The following PRKCQ variants were observed in gnomAD, a reference collection of about 807,000 sequenced individuals.
PRKCQ encodes the protein protein kinase C theta, also known as protein kinase C theta type.
In PRKCQ, 41 loss-of-function variants were observed where a neutral mutation model predicts 91.2. The ratio of observed to expected loss-of-function variants is 0.45; its 90% CI spans 0.35 to 0.58. The LOEUF is 0.58. Among genes scored for constraint, PRKCQ ranks in the 20% least tolerant of loss-of-function variants. PRKCQ has a pLI of 0.00. For missense variants in PRKCQ, 673 were observed against 896.5 expected (o/e 0.75, Z 3.18); for synonymous variants, 307 against 316.9 (o/e 0.97, Z 0.33).
At chr10:6,426,670 C>T (rs532261171), downstream of PRKCQ, among the ~76,000 whole-genome samples, 1 of 152,294 alleles carries the variant, frequency 6.6e-6, no homozygotes, top group South Asian at 2.1e-4. Context: ...TTCCAGCACA[C>T]CTGCAGACTG....
intron 1 of PRKCQ, among the ~76,000 whole-genome samples, chr10:6,559,119 G>A (rs1438554111): frequency 6.6e-6 from 1 of 152,162 alleles, no homozygotes; most frequent in Non-Finnish European, 1.5e-5. Context: ...GGTTTAAAAA[G>A]AAAAGTTACG....
In PRKCQ at chr10:6,459,369, G is replaced by T. The variant is rs1165474832; in HGVS notation, c.1509-2557C>A. Among the ~76,000 whole-genome samples the T allele has an allele frequency of 3.3e-5, 5 of 151,526 alleles. No individual in the cohort carries two copies. In the South Asian group the frequency reaches 8.3e-4, roughly 25 times the overall value. On this transcript the variant is annotated intron_variant, in intron 14 of 17. Transcript: ENST00000263125. ...AAAGTGGCTCATCAGGTTTCTGGGG[G>T]TTGGGACTTCTCTATGTTTAGTACC... is the stretch of plus-strand genomic sequence containing the variant.
chr10:6,447,832 C>T (rs1406797830), intron 15 of PRKCQ, among the ~76,000 whole-genome samples: 4 of 152,192 alleles, frequency 2.6e-5, no homozygotes, highest in African/African-American at 9.7e-5. Flanking sequence ...GAGACAGCAG[C>T]GGAACACTCA....
chr10:6,479,530 A>T (rs1359567574), intron 11 of PRKCQ, among the ~76,000 whole-genome samples: 1 of 152,096 alleles, frequency 6.6e-6, no homozygotes, highest in Non-Finnish European at 1.5e-5. Context: ...GAGAAACTGT[A>T]CTCGAAACAT....
intron 1 of PRKCQ, among the ~76,000 whole-genome samples, chr10:6,527,522 C>A (rs964307186): frequency 6.6e-6 from 1 of 152,096 alleles, no homozygotes; most frequent in Admixed American, 6.5e-5. Flanking sequence ...CATCCCTGTA[C>A]CCCAGGAAGA....
At position 6,427,631 on chromosome 10, in the gene PRKCQ, G is replaced by A. The variant is rs1013316394; in HGVS notation, c.*576C>T. On this transcript the variant is annotated 3_prime_UTR_variant, in exon 18 of 18. Coordinates refer to ENST00000263125, the MANE Select transcript of PRKCQ (RefSeq NM_006257.5). ...ATGCCCAATCAGGATGAATGGATTT[G>A]TAGATCTCAAGTTACAAGCTATGTT... 2.6e-5 allele frequency: 4 copies of A among 152,826 alleles called. No individual in the cohort carries two copies. The highest frequency in any genetic ancestry group is 9.7e-5 in the African/African-American group (4 of 41,432). The allele number at this position is 152,826 out of a possible 1,614,324, so 9.5% of individuals were successfully genotyped here.
chr10:6,402,473 A>G, the PRKCQ span, among the ~76,000 whole-genome samples: 1 of 151,142 alleles, frequency 6.6e-6, no homozygotes, highest in Non-Finnish European at 1.5e-5. Flanking sequence ...CATGAAGGAC[A>G]CAGACAGAAA....
chr10:6,533,248 A>G (rs1040661828), intron 1 of PRKCQ, among the ~76,000 whole-genome samples: 2 of 152,276 alleles, frequency 1.3e-5, no homozygotes, highest in Non-Finnish European at 2.9e-5. Context: ...CCCAGGCTGG[A>G]GTGCAGTGGC....
chr10:6,519,439 A>T (rs560069390), intron 1 of PRKCQ, among the ~76,000 whole-genome samples: 1 of 152,260 alleles, frequency 6.6e-6, no homozygotes, highest in Non-Finnish European at 1.5e-5. Flanking sequence ...CTGGCATCAC[A>T]ACCTCCTAAA....
rs764007234 is a variant in PRKCQ at position 6,479,105 on chromosome 10, C to A, written c.1240G>T (p.Asp414Tyr). ...QFFAIKALKK[D>Y]VVLMDDDVEC... ...ACATCATCGTCCATCAAGACCACATCTTTCTTTAAGGCCTTTATTGCGAAA... is the reference window on the plus strand; with the variant it reads ...ACATCATCGTCCATCAAGACCACATATTTCTTTAAGGCCTTTATTGCGAAA... The change falls in exon 12 of 18, where the codon GAT becomes TAT. Residue 414 changes from aspartate to tyrosine, a missense_variant. Coordinates refer to ENST00000263125, the MANE Select transcript of PRKCQ (RefSeq NM_006257.5). 1.2e-6 allele frequency: 2 copies of A among 1,614,228 alleles called. No individual in the cohort carries two copies. The highest frequency in any genetic ancestry group is 4.5e-5 in the East Asian group (2 of 44,888).
At chr10:6,531,046 T>TGGAGCCCA (rs1249012015) in intron 1 of PRKCQ, among the ~76,000 whole-genome samples, 1 of 26,942 alleles carries the variant, frequency 3.7e-5, no homozygotes, top group East Asian at 9.4e-3. Flanking sequence ...GTCAGCAGGG[T>TGGAGCCCA]GGAGCCCACA....
intron 1 of PRKCQ, among the ~76,000 whole-genome samples, chr10:6,535,433 G>C (rs1276161788): frequency 6.6e-6 from 1 of 152,216 alleles, no homozygotes; most frequent in East Asian, 1.9e-4. Context: ...CCATAGAAAT[G>C]TTACCCATGA....
intron 11 of PRKCQ, among the ~76,000 whole-genome samples, chr10:6,479,790 A>G (rs944073162): frequency 6.7e-6 from 1 of 148,946 alleles, no homozygotes; most frequent in South Asian, 2.2e-4. Flanking sequence ...AAAAAAAAAA[A>G]AAAAATCCAA....
At position 6,486,119 on chromosome 10, in the gene PRKCQ, T is replaced by C. The variant is rs770148966; in HGVS notation, c.816A>G (p.Arg272=). 120 of 1,614,130 alleles carry C rather than the reference T, an allele frequency of 7.4e-5. No individual in the cohort carries two copies. The highest frequency in any genetic ancestry group is 1.6e-4 in the Middle Eastern group (1 of 6,062). ...AAAGGTTGGCCACCTTTGTCTGGCA[T>C]CTATGATGCACATTCATGCCACATG... ...CDACGMNVHH[R]CQTKVANLCG... The change falls in exon 9 of 18, where the codon AGA becomes AGG. Residue 272 remains arginine (R), a synonymous_variant. Transcript: ENST00000263125.
At chr10:6,453,928 G>T (rs1224051091) in intron 15 of PRKCQ, among the ~76,000 whole-genome samples, 3 of 151,890 alleles carry the variant, frequency 2.0e-5, no homozygotes, top group Non-Finnish European at 2.9e-5. Context: ...TTGTGGGGTG[G>T]GGGGAGCGGG....
intron 17 of PRKCQ, 53 bp from the exon 18 acceptor site, chr10:6,428,415 T>C: frequency 6.4e-7 from 1 of 1,572,396 alleles, no homozygotes; most frequent in Non-Finnish European, 8.6e-7. Context: ...AGCCATTAAG[T>C]TCATGATCTT....
intron 8 of PRKCQ, among the ~76,000 whole-genome samples, chr10:6,491,116 C>T (rs501930): frequency 0.97 from 148,221 of 152,308 alleles, 72,202 homozygotes; most frequent in East Asian, 1. Context: ...CGGTCACAAC[C>T]GGGCCAGCCT....
At chr10:6,504,910 T>G (rs1212439353) in intron 4 of PRKCQ, among the ~76,000 whole-genome samples, 1 of 151,902 alleles carries the variant, frequency 6.6e-6, no homozygotes, top group Non-Finnish European at 1.5e-5. Flanking sequence ...TTTTTTTTTT[T>G]TGAGATGGTG....
chr10:6,537,072 G>C (rs771517489), intron 1 of PRKCQ, among the ~76,000 whole-genome samples: 2 of 152,194 alleles, frequency 1.3e-5, no homozygotes, highest in Non-Finnish European at 2.9e-5. Flanking sequence ...GGGGCGCAGT[G>C]GGGGTGTCGG....
Sources: gnomAD v4.1 joint callset for allele counts (sites outside exome capture counted in the v4.1 genomes callset) on GRCh38, gnomAD v4.1.1 for gene constraint, MANE v1.5 for transcripts, NCBI Gene and HGNC (gene_info 2026-07-23, HGNC 2026-07-21) for gene names.